Variants in PTN observed in about 807,000 individuals in gnomAD.
PTN encodes the protein heparin affin regulatory protein.
In PTN, 18 loss-of-function variants were observed where a neutral mutation model predicts 24.1. That is an observed-to-expected ratio of 0.75 (90% CI 0.52 to 1.11). PTN has a LOEUF of 1.11. PTN is among the 50% of genes least tolerant of loss of function. PTN has a pLI of 0.00. For missense variants in PTN, 163 were observed against 198.8 expected (o/e 0.82, Z 1.08); for synonymous variants, 78 against 68.6 (o/e 1.14, Z -0.67).
At chr7:137,256,444 G>A (rs1734018292) in intron 1 of PTN, among the ~76,000 whole-genome samples, 1 of 152,132 alleles carries the variant, frequency 6.6e-6, no homozygotes, top group South Asian at 2.1e-4. Context: ...GTGTTAGTTT[G>A]CTGTGGATGA....
At chr7:137,268,692 A>AG (rs891332043) in intron 1 of PTN, among the ~76,000 whole-genome samples, 5 of 152,198 alleles carry the variant, frequency 3.3e-5, no homozygotes, top group African/African-American at 9.6e-5. Flanking sequence ...TACCAGGCTT[A>AG]GGTCAGGCAG....
Position 137,322,087 on chromosome 7 carries a change from G to A in PTN, c.-2+21352C>T, listed in dbSNP as rs140485957. Reference sequence around the variant, plus strand: ...ACCACCACCCCTCCTTCCCTCGTACGTAGACTCATTTTCTAACTCATTATC... The same window carrying A: ...ACCACCACCCCTCCTTCCCTCGTACATAGACTCATTTTCTAACTCATTATC... On this transcript the variant is annotated intron_variant, in intron 1 of 4. Transcript: ENST00000348225. Among the ~76,000 whole-genome samples the A allele has an allele frequency of 3.3e-4, 50 of 152,142 alleles. No homozygotes were observed. In the East Asian group the frequency reaches 3.7e-3, roughly 11 times the overall value.
chr7:137,324,537 CTAAAG>C (rs1414892902), intron 1 of PTN, among the ~76,000 whole-genome samples: 4 of 150,094 alleles, frequency 2.7e-5, no homozygotes, highest in African/African-American at 9.9e-5. Context: ...CCATGAGATT[CTAAAG>C]AACAGGTAAA....
chr7:137,341,100 A>C (rs1395137318), intron 1 of PTN, among the ~76,000 whole-genome samples: 1 of 152,260 alleles, frequency 6.6e-6, no homozygotes, highest in Non-Finnish European at 1.5e-5. Flanking sequence ...GAATATGGTC[A>C]GAATTCATGT....
At chr7:137,332,122 G>T (rs1810368773) in intron 1 of PTN, among the ~76,000 whole-genome samples, 1 of 152,148 alleles carries the variant, frequency 6.6e-6, no homozygotes, top group Non-Finnish European at 1.5e-5. Flanking sequence ...GTGCATAGCT[G>T]TTAAAACATA....
chr7:137,251,536 G>T, intron 3 of PTN, 145 bp from the exon 4 acceptor site: 1 of 892,664 alleles, frequency 1.1e-6, no homozygotes, highest in Non-Finnish European at 1.7e-6. Context: ...CAGAGTGTAT[G>T]CGTGTGTATT....
chr7:137,267,368 G>A (rs144933186), intron 1 of PTN, among the ~76,000 whole-genome samples: 1 of 151,504 alleles, frequency 6.6e-6, no homozygotes, highest in Admixed American at 6.6e-5. Context: ...TCTGCCAGCC[G>A]CTTATGCTGC....
At chr7:137,307,731 G>T (rs1189771842) in intron 1 of PTN, among the ~76,000 whole-genome samples, 1 of 152,032 alleles carries the variant, frequency 6.6e-6, no homozygotes, top group African/African-American at 2.4e-5. Context: ...GATTCAAGTT[G>T]ATAGTGTGCT....
chr7:137,341,586 G>T (rs1435837679), intron 1 of PTN, among the ~76,000 whole-genome samples: 1 of 152,024 alleles, frequency 6.6e-6, no homozygotes, highest in African/African-American at 2.4e-5. Flanking sequence ...GTATCTAATA[G>T]TACTTTTATT....
In PTN at chr7:137,251,105, G is replaced by A. The variant is rs555591353; in HGVS notation, c.451+125C>T. 10 of 1,122,352 alleles carry A rather than the reference G, an allele frequency of 8.9e-6. No homozygotes were observed. In the African/African-American group the frequency reaches 1.6e-4, roughly 17 times the overall value. 69.5% of individuals were successfully genotyped at this position (1,122,352 alleles called of 1,614,324 possible). Reference sequence around the variant, plus strand: ...AGTATTTTTGTGACTCTCAGTGTAGGGGAGTTTTTCAGTCACTTTCTTAAG... The same window carrying A: ...AGTATTTTTGTGACTCTCAGTGTAGAGGAGTTTTTCAGTCACTTTCTTAAG... On this transcript the variant is annotated intron_variant, in intron 4 of 4. Coordinates refer to ENST00000348225, the MANE Select transcript of PTN (RefSeq NM_002825.7).
chr7:137,294,724 TTTGTAC>T (rs1394063711), intron 1 of PTN, among the ~76,000 whole-genome samples: 1 of 152,148 alleles, frequency 6.6e-6, no homozygotes, highest in Admixed American at 6.6e-5. Flanking sequence ...GGCATGTGTA[TTTGTAC>T]ATTTGGAGAA....
intron 1 of PTN, among the ~76,000 whole-genome samples, chr7:137,340,685 C>T (rs367678726): frequency 4.9e-4 from 75 of 152,334 alleles, no homozygotes; most frequent in African/African-American, 1.6e-3. Context: ...GAAGCCAGAG[C>T]TAAAAACATT....
chr7:137,250,662 T>G (rs1006619126), intron 4 of PTN, among the ~76,000 whole-genome samples: 1 of 152,210 alleles, frequency 6.6e-6, no homozygotes, highest in East Asian at 1.9e-4. Context: ...GAGCAGAGCC[T>G]GACTTTCTGG....
chr7:137,305,725 C>T (rs1411905944), intron 1 of PTN, among the ~76,000 whole-genome samples: 1 of 151,986 alleles, frequency 6.6e-6, no homozygotes, highest in Non-Finnish European at 1.5e-5. Context: ...GATAAAGAGG[C>T]TGACAGTCAA....
intron 1 of PTN, among the ~76,000 whole-genome samples, chr7:137,304,673 T>C (rs962172434): frequency 6.6e-6 from 1 of 151,978 alleles, no homozygotes; most frequent in Non-Finnish European, 1.5e-5. Context: ...GCATAGCACA[T>C]CTCTCCAAAC....
chr7:137,281,325 C>T (rs553459210), intron 1 of PTN, among the ~76,000 whole-genome samples: 2 of 152,094 alleles, frequency 1.3e-5, no homozygotes, highest in South Asian at 2.1e-4. Flanking sequence ...AAAGCTTTCA[C>T]TCATAAAAGA....
chr7:137,292,481 C>A (rs1809654010), intron 1 of PTN, among the ~76,000 whole-genome samples: 3 of 152,136 alleles, frequency 2.0e-5, no homozygotes, highest in Admixed American at 2.0e-4. Context: ...AATACACCCT[C>A]TTGCCTGCCA....
At chr7:137,325,904 G>A (rs141423982) in intron 1 of PTN, 51 of 152,318 alleles carry the variant, frequency 3.3e-4, no homozygotes, top group African/African-American at 1.2e-3. Flanking sequence ...CCATGTGCAT[G>A]TGAAATGTCT....
intron 1 of PTN, among the ~76,000 whole-genome samples, chr7:137,284,317 C>G (rs1032548847): frequency 5.9e-5 from 9 of 152,018 alleles, no homozygotes; most frequent in African/African-American, 2.2e-4. Context: ...CAGGAAGACC[C>G]TTCCCGGTCT....
Sources: gnomAD v4.1 joint callset for allele counts (sites outside exome capture counted in the v4.1 genomes callset) on GRCh38, gnomAD v4.1.1 for gene constraint, MANE v1.5 for transcripts, NCBI Gene and HGNC (gene_info 2026-07-23, HGNC 2026-07-21) for gene names.